Variants in HCN1 observed in about 807,000 individuals in gnomAD.
HCN1 encodes the protein hyperpolarization activated cyclic nucleotide gated potassium channel 1, also known as potassium/sodium hyperpolarization-activated cyclic nucleotide-gated channel 1.
Under a neutral mutation model 78.9 loss-of-function variants are expected in HCN1, and 13 were observed. The ratio of observed to expected loss-of-function variants is 0.16; its 90% CI spans 0.11 to 0.26. The LOEUF is 0.26. Ranked by LOEUF, HCN1 falls within the 10% of genes least tolerant of loss-of-function variation. The probability of loss-of-function intolerance (pLI) is 1.00; values close to 1 mark genes in which losing one functional copy is unlikely to be tolerated. For synonymous variants in HCN1, 552 were observed against 455.5 expected, an observed-to-expected ratio of 1.21 and a Z score of -2.70; for missense variants, 810 against 1,154.3, an observed-to-expected ratio of 0.70 and a Z score of 4.32.
At chr5:45,313,435 C>A (rs984765906) in intron 5 of HCN1, among the ~76,000 whole-genome samples, 12 of 152,146 alleles carry the variant, frequency 7.9e-5, no homozygotes, top group Non-Finnish European at 1.6e-4. Flanking sequence ...AGCAGAAAAG[C>A]TAAAAATTCT....
intron 1 of HCN1, among the ~76,000 whole-genome samples, chr5:45,658,391 A>G (rs1384347286): frequency 6.6e-6 from 1 of 152,210 alleles, no homozygotes; most frequent in Non-Finnish European, 1.5e-5. Flanking sequence ...GACAAATGGG[A>G]TCTAATTAAA....
At chr5:45,277,323 G>A (rs1034180767) in intron 6 of HCN1, among the ~76,000 whole-genome samples, 2 of 152,060 alleles carry the variant, frequency 1.3e-5, no homozygotes, top group African/African-American at 4.8e-5. Flanking sequence ...AAGAAGTTTT[G>A]ATAATAATTT....
chr5:45,681,404 T>C (rs1180249276), intron 1 of HCN1, among the ~76,000 whole-genome samples: 1 of 152,162 alleles, frequency 6.6e-6, no homozygotes, highest in African/African-American at 2.4e-5. Flanking sequence ...AGACTCAAGT[T>C]CTTTTTGCTT....
rs113860027 is a variant in HCN1, at chr5:45,695,511, G to A, written c.425+158C>T. 6.5e-3 allele frequency among the ~76,000 whole-genome samples: 986 copies of A among 152,226 alleles called. 5 individuals carry two copies. The highest frequency in any genetic ancestry group is 0.023 in the African/African-American group (952 of 41,560). On this transcript the variant is annotated intron_variant, in intron 1 of 7. Transcript: ENST00000303230. ...CCCTCCTGGGTGGAAACTACCCGGA[G>A]GCGCCGAGTGGAGCCTGCTTAGCCC...
chr5:45,406,283 A>G (rs1739917823), intron 3 of HCN1, among the ~76,000 whole-genome samples: 1 of 152,160 alleles, frequency 6.6e-6, no homozygotes. Flanking sequence ...AACATATTTT[A>G]CATATGTTTA....
chr5:45,545,651 C>T (rs2111840965), intron 2 of HCN1, among the ~76,000 whole-genome samples: 1 of 152,252 alleles, frequency 6.6e-6, no homozygotes, highest in South Asian at 2.1e-4. Context: ...GATCCAGTTT[C>T]AGCTTTCTAC....
intron 2 of HCN1, among the ~76,000 whole-genome samples, chr5:45,639,155 A>G (rs1352978106): frequency 1.3e-5 from 2 of 152,172 alleles, no homozygotes; most frequent in Non-Finnish European, 2.9e-5. Flanking sequence ...CCAAGCAAAT[A>G]GATGATTCTA....
chr5:45,609,962 A>C (rs1427064969), intron 2 of HCN1, among the ~76,000 whole-genome samples: 2 of 152,142 alleles, frequency 1.3e-5, no homozygotes, highest in Non-Finnish European at 2.9e-5. Flanking sequence ...GTCAGCAAAA[A>C]TTGATGCCAG....
chr5:45,568,072 G>A (rs1339443163), intron 2 of HCN1, among the ~76,000 whole-genome samples: 1 of 151,922 alleles, frequency 6.6e-6, no homozygotes, highest in Non-Finnish European at 1.5e-5. Context: ...CTCTACTCAC[G>A]TGCAGCCAGG....
chr5:45,302,562 A>T (rs115472327), intron 6 of HCN1, among the ~76,000 whole-genome samples: 4,552 of 152,006 alleles, frequency 0.03, 269 homozygotes, highest in African/African-American at 0.1. Flanking sequence ...ATAAGATCAA[A>T]TAGTCTTTGA....
chr5:45,479,213 T>C (rs996531800), intron 2 of HCN1, among the ~76,000 whole-genome samples: 1 of 151,754 alleles, frequency 6.6e-6, no homozygotes, highest in African/African-American at 2.4e-5. Context: ...GAGTGACTCC[T>C]AAAGAAATTC....
chr5:45,354,587 T>C (rs185407446), intron 4 of HCN1, among the ~76,000 whole-genome samples: 144 of 152,186 alleles, frequency 9.5e-4, no homozygotes, highest in African/African-American at 3.3e-3. Flanking sequence ...GCAACCCATT[T>C]TATTGCATCT....
chr5:45,625,257 C>A (rs1262452855), intron 2 of HCN1, among the ~76,000 whole-genome samples: 2 of 151,930 alleles, frequency 1.3e-5, no homozygotes, highest in Non-Finnish European at 2.9e-5. Context: ...GAGCTGAGAC[C>A]ATGCCATTGC....
intron 3 of HCN1, among the ~76,000 whole-genome samples, chr5:45,432,178 T>G (rs1389202155): frequency 6.6e-6 from 1 of 152,186 alleles, no homozygotes; most frequent in Non-Finnish European, 1.5e-5. Flanking sequence ...CTAGGTATTT[T>G]ATTCTTTTTG....
intron 2 of HCN1, among the ~76,000 whole-genome samples, chr5:45,497,592 G>T (rs978779623): frequency 2.0e-4 from 30 of 152,066 alleles, no homozygotes; most frequent in African/African-American, 6.8e-4. Flanking sequence ...GAGCCTATGT[G>T]TGTCTCTGCA....
chr5:45,685,667 G>A (rs1739791012), intron 1 of HCN1, among the ~76,000 whole-genome samples: 1 of 151,874 alleles, frequency 6.6e-6, no homozygotes, highest in Non-Finnish European at 1.5e-5. Context: ...AGCCAACATC[G>A]TGCCATTGCA....
Position 45,564,192 on chromosome 5 carries a change from CA to C in HCN1, c.849+80992del, listed in dbSNP as rs553555502. The stretch of plus-strand genomic sequence containing the variant: ...AATGATTAATCCCATCCTGATACCT[CA>C]AAAACTTTGTCTCCCACTAAGTAAA... On this transcript the variant is annotated intron_variant, in intron 2 of 7. Transcript: ENST00000303230. Among the ~76,000 whole-genome samples, 42 of 151,918 alleles carry C rather than the reference CA, an allele frequency of 2.8e-4. No individual in the cohort carries two copies. In the East Asian group the frequency reaches 5.8e-3, roughly 21 times the overall value.
At chr5:45,566,378 C>A (rs1743707280) in intron 2 of HCN1, among the ~76,000 whole-genome samples, 1 of 152,046 alleles carries the variant, frequency 6.6e-6, no homozygotes, top group Admixed American at 6.6e-5. Context: ...TTTCATTACA[C>A]AATATTTTTA....
chr5:45,297,135 A>G (rs539948037), intron 6 of HCN1, among the ~76,000 whole-genome samples: 155 of 152,208 alleles, frequency 1.0e-3, no homozygotes, highest in African/African-American at 3.4e-3. Flanking sequence ...CATTGTTTCT[A>G]TAGATATTAA....
Sources: allele counts gnomAD v4.1 joint callset (sites outside exome capture counted in the v4.1 genomes callset), GRCh38; gene constraint gnomAD v4.1.1; transcripts MANE v1.5; gene names NCBI Gene and HGNC (gene_info 2026-07-23, HGNC 2026-07-21).